LCK: variants seen among roughly 807,000 people sequenced by gnomAD.
LCK encodes LCK proto-oncogene, Src family tyrosine kinase.
Under a neutral mutation model 64.6 loss-of-function variants are expected in LCK, and 14 were observed. That is an observed-to-expected ratio of 0.22 (90% CI 0.14 to 0.34). The LOEUF (loss-of-function observed/expected upper bound fraction) is 0.34. Among genes scored for constraint, LCK ranks in the 10% least tolerant of loss-of-function variants. LCK has a pLI of 1.00. For missense variants in LCK, 434 were observed against 668.1 expected (o/e 0.65, Z 3.86); for synonymous variants, 277 against 263.6 (o/e 1.05, Z -0.49).
At chr1:32,261,694 C>T (rs1639775790) in intron 1 of LCK, among the ~76,000 whole-genome samples, 2 of 147,584 alleles carry the variant, frequency 1.4e-5, no homozygotes, top group African/African-American at 5.0e-5. Context: ...GTGGCTTACA[C>T]CTGTAATCTC....
At chr1:32,263,742 C>G (rs1438880230) in intron 1 of LCK, among the ~76,000 whole-genome samples, 1 of 152,052 alleles carries the variant, frequency 6.6e-6, no homozygotes, top group Non-Finnish European at 1.5e-5. Context: ...GAAACCCCAT[C>G]ATTACAAAAA....
At chr1:32,274,165 G>A in intron 1 of LCK, 160 bp from the exon 2 acceptor site, 1 of 1,444,384 alleles carries the variant, frequency 6.9e-7, no homozygotes, top group Non-Finnish European at 9.2e-7. Flanking sequence ...TTGGAGCTGG[G>A]ACCCCCTATT....
intron 1 of LCK, among the ~76,000 whole-genome samples, chr1:32,263,614 C>A (rs947259592): frequency 1.4e-4 from 21 of 152,022 alleles, no homozygotes; most frequent in African/African-American, 5.1e-4. Context: ...TGGCTTATGC[C>A]TGTAATCCCA....
At chr1:32,255,188 G>A (rs1187600346) in intron 1 of LCK, among the ~76,000 whole-genome samples, 1 of 152,056 alleles carries the variant, frequency 6.6e-6, no homozygotes, top group Non-Finnish European at 1.5e-5. Flanking sequence ...TGGCAGACCG[G>A]GACTCACTTC....
intron 1 of LCK, among the ~76,000 whole-genome samples, chr1:32,252,044 C>G (rs1027938530): frequency 6.6e-6 from 1 of 151,924 alleles, no homozygotes; most frequent in Non-Finnish European, 1.5e-5. Flanking sequence ...GTGGGGGTGT[C>G]CATCATCTGG....
chr1:32,285,896 G>A lies in LCK; in HGVS notation c.*180G>A. On this transcript the variant is annotated 3_prime_UTR_variant, in exon 13 of 13. Transcript: ENST00000336890. ...CGTGTCCTGTAGTTGCGTGGACTCTGCACATGTCTTGTACATGTGTAGCCT... is the reference window on the plus strand; with the variant it reads ...CGTGTCCTGTAGTTGCGTGGACTCTACACATGTCTTGTACATGTGTAGCCT... 6.2e-6 allele frequency: 4 copies of A among 644,508 alleles called. No individual in the cohort carries two copies. Among genetic ancestry groups the A allele is most frequent in the South Asian group, 1.8e-5 (1 of 54,110 alleles). 39.9% of individuals were successfully genotyped at this position (644,508 alleles called of 1,614,324 possible).
At position 32,275,281 on chromosome 1, in the gene LCK, A is replaced by C. The variant is rs1394302609; in HGVS notation, c.279-40A>C. The stretch of plus-strand genomic sequence containing the variant: ...GTCTTTGAGGGAGGGTCTCAGGTCG[A>C]CGGCTGAGCGAGCCACACTGACCCA... On this transcript the variant is annotated intron_variant, in intron 4 of 12. Coordinates refer to ENST00000336890, the MANE Select transcript of LCK (RefSeq NM_005356.5). This position sits in a 1 kb window ranked among gnomAD's most constrained non-coding sequence, Gnocchi z 6.9. The C allele has an allele frequency of 6.2e-7, 1 of 1,602,542 alleles. No homozygotes were observed. Among genetic ancestry groups the C allele is most frequent in the Non-Finnish European group, 8.5e-7 (1 of 1,169,812 alleles).
At chr1:32,267,280 C>T (rs966550867) in intron 1 of LCK, among the ~76,000 whole-genome samples, 2 of 152,062 alleles carry the variant, frequency 1.3e-5, no homozygotes, top group Non-Finnish European at 2.9e-5. Context: ...AGAGTGAATA[C>T]GTACCCTTTT....
Position 32,251,538 on chromosome 1 carries a change from C to T in LCK, c.-6+167C>T, listed in dbSNP as rs530692093. 2.6e-5 allele frequency among the ~76,000 whole-genome samples: 4 copies of T among 152,284 alleles called. No homozygotes were observed. In the South Asian group the frequency reaches 6.2e-4, roughly 24 times the overall value. ...TGGGAGGCAGGCAGTGTAGCTGGGT[C>T]GCCTCTTTCCTGCGAAGCTGGTGTC... is the stretch of plus-strand genomic sequence containing the variant. On this transcript the variant is annotated intron_variant, in intron 1 of 12. Transcript: ENST00000336890. The surrounding 1 kb of genome is among the most constrained non-coding windows in gnomAD (Gnocchi z 4.0).
chr1:32,254,452 C>T (rs1215925348), intron 1 of LCK, among the ~76,000 whole-genome samples: 1 of 152,204 alleles, frequency 6.6e-6, no homozygotes, highest in Admixed American at 6.5e-5. Flanking sequence ...TCCCCAGTAA[C>T]TGGGATTACA....
At chr1:32,273,762 T>C (rs942326591) in intron 1 of LCK, among the ~76,000 whole-genome samples, 1 of 152,092 alleles carries the variant, frequency 6.6e-6, no homozygotes, top group Admixed American at 6.6e-5. Context: ...AGCCCGTGTT[T>C]GAAGGAACCC....
At chr1:32,256,522 C>T (rs924703554) in intron 1 of LCK, among the ~76,000 whole-genome samples, 2 of 151,550 alleles carry the variant, frequency 1.3e-5, no homozygotes, top group South Asian at 4.2e-4. Flanking sequence ...TGCTTGAACT[C>T]GGGAAGTGGA....
rs753848707 is a variant in LCK, at chr1:32,285,866, G to A, written c.*150G>A. 3 of 761,940 alleles carry A rather than the reference G, an allele frequency of 3.9e-6. No individual in the cohort carries two copies. The highest frequency in any genetic ancestry group is 6.4e-6 in the Non-Finnish European group (3 of 466,740). 47.2% of individuals were successfully genotyped at this position (761,940 alleles called of 1,614,324 possible). On this transcript the variant is annotated 3_prime_UTR_variant, in exon 13 of 13. Transcript: ENST00000336890. ...TGTGACACATATGCACCTTGTGTCT[G>A]TACACGTGTCCTGTAGTTGCGTGGA...
At chr1:32,277,267 C>T (rs1640311117) in intron 9 of LCK, 1 of 150,342 alleles carries the variant, frequency 6.7e-6, no homozygotes, top group African/African-American at 2.5e-5. Context: ...AAGGTGTATC[C>T]TCTGATCTGA....
At chr1:32,271,410 C>T (rs1569940540) in intron 1 of LCK, among the ~76,000 whole-genome samples, 1 of 152,166 alleles carries the variant, frequency 6.6e-6, no homozygotes. Flanking sequence ...GGTATGGCAG[C>T]TCATGCCTGT....
chr1:32,280,280 T>C, intron 12 of LCK, 70 bp downstream of exon 12: 1 of 1,588,810 alleles, frequency 6.3e-7, no homozygotes, highest in Non-Finnish European at 8.6e-7. Context: ...TTCAATTCTT[T>C]CCAGTCTCAG....
chr1:32,279,696 C>A lies in LCK; in HGVS notation c.990C>A (p.Thr330=), dbSNP rs1343086188. The change falls in exon 10 of 13, where the codon ACC becomes ACA. Residue 330 remains threonine, a synonymous_variant. Transcript: ENST00000336890. ...ENGSLVDFLK[T]PSGIKLTINK... is the part of the protein sequence containing the mutation. ...GGAGTCTAGTGGATTTTCTCAAGAC[C>A]CCTTCAGGCATCAAGTTGACCATCA... The A allele has an allele frequency of 6.2e-7, 1 of 1,613,914 alleles. No individual in the cohort carries two copies. The highest frequency in any genetic ancestry group is 1.7e-5 in the Admixed American group (1 of 60,010).
rs1410186346 is a variant in LCK at position 32,280,129 on chromosome 1, A to G, written c.1246A>G (p.Thr416Ala). Residue 416 changes from threonine (T) to alanine (A), a missense_variant, in exon 12 of 13, where the codon ACA becomes GCA. This residue lies in a region of LCK where 201 missense variants were observed against 376.9 expected (regional missense o/e 0.53). Coordinates refer to ENST00000336890, the MANE Select transcript of LCK (RefSeq NM_005356.5). ...AGCGCCAGAAGCCATTAACTACGGGACATTCACCATCAAGTCAGATGTGTG... is the reference window on the plus strand; with the variant it reads ...AGCGCCAGAAGCCATTAACTACGGGGCATTCACCATCAAGTCAGATGTGTG... The part of the protein sequence containing the change: ...WTAPEAINYG[T>A]FTIKSDVWSF... The G allele has an allele frequency of 6.2e-7, 1 of 1,614,016 alleles. No homozygotes were observed. The highest frequency in any genetic ancestry group is 8.5e-7 in the Non-Finnish European group (1 of 1,180,036).
At chr1:32,282,853 A>C (rs1004046488) in intron 12 of LCK, among the ~76,000 whole-genome samples, 1 of 152,170 alleles carries the variant, frequency 6.6e-6, no homozygotes, top group East Asian at 1.9e-4. Flanking sequence ...TAAATGAATA[A>C]ATAAATAAAA....
Sources: allele counts gnomAD v4.1 joint callset (sites outside exome capture counted in the v4.1 genomes callset), GRCh38; gene constraint gnomAD v4.1.1; regional missense constraint gnomAD v4.1.1; non-coding constraint Gnocchi (gnomAD v3.1); transcripts MANE v1.5; gene names NCBI Gene and HGNC (gene_info 2026-07-23, HGNC 2026-07-21).